SVEP1: variants seen among roughly 807,000 people sequenced by gnomAD.
SVEP1 encodes sushi, von Willebrand factor type A, EGF and pentraxin domain-containing protein 1.
A neutral mutation model predicts 367.3 loss-of-function variants in SVEP1; 164 were observed. That is an observed-to-expected ratio of 0.45 (90% CI 0.39 to 0.51). The LOEUF (loss-of-function observed/expected upper bound fraction) is 0.51. Ranked by LOEUF, SVEP1 falls within the 20% of genes least tolerant of loss-of-function variation. The pLI, the probability that SVEP1 is intolerant of heterozygous loss-of-function variation, is 0.00. For synonymous variants in SVEP1, 1,666 were observed against 1,611.6 expected (o/e 1.03, Z -0.81); for missense variants, 4,117 against 4,425.3 (o/e 0.93, Z 1.98).
At chr9:110,506,920 T>G (rs1829635287) in intron 5 of SVEP1, among the ~76,000 whole-genome samples, 1 of 149,972 alleles carries the variant, frequency 6.7e-6, no homozygotes, top group Non-Finnish European at 1.5e-5. Flanking sequence ...GGAGTAGGGG[T>G]AGGGGAAAGA....
chr9:110,456,097 AG>A (rs1486772482), intron 21 of SVEP1, among the ~76,000 whole-genome samples: 12 of 152,210 alleles, frequency 7.9e-5, no homozygotes, highest in African/African-American at 2.9e-4. Flanking sequence ...CTCACATGCC[AG>A]GTGTCCCAGA....
At chr9:110,405,503 G>A (rs1185195859) in intron 38 of SVEP1, among the ~76,000 whole-genome samples, 1 of 151,158 alleles carries the variant, frequency 6.6e-6, no homozygotes, top group African/African-American at 2.4e-5. Context: ...TACCTACGTG[G>A]ACTCAGATAC....
chr9:110,388,591 T>G (rs906929361), intron 41 of SVEP1, among the ~76,000 whole-genome samples: 3 of 152,098 alleles, frequency 2.0e-5, no homozygotes, highest in African/African-American at 7.2e-5. Context: ...CTAATGGACT[T>G]CTTTCAGCCC....
intron 40 of SVEP1, among the ~76,000 whole-genome samples, chr9:110,395,156 A>C (rs1037969022): frequency 6.6e-6 from 1 of 152,260 alleles, no homozygotes; most frequent in African/African-American, 2.4e-5. Flanking sequence ...CTGATCTCTC[A>C]GCAGAAACTC....
intron 23 of SVEP1, among the ~76,000 whole-genome samples, 189 bp from the exon 24 acceptor site, chr9:110,450,449 C>G (rs1379271179): frequency 7.0e-6 from 1 of 142,596 alleles, no homozygotes; most frequent in Non-Finnish European, 1.5e-5. Context: ...TTTGTGGACT[C>G]TGAGTTTTTG....
At chr9:110,480,911 C>T (rs10117164) in intron 12 of SVEP1, among the ~76,000 whole-genome samples, 37,639 of 151,854 alleles carry the variant, frequency 0.25, 5,562 homozygotes, top group African/African-American at 0.41. Flanking sequence ...TATACGTCAC[C>T]ATGCCTGGCC....
chr9:110,567,974 T>C (rs1830511120), intron 1 of SVEP1, among the ~76,000 whole-genome samples: 1 of 152,216 alleles, frequency 6.6e-6, no homozygotes, highest in African/African-American at 2.4e-5. Context: ...TCTAAATACC[T>C]GAGACCTATC....
In SVEP1 at chr9:110,458,455, T is replaced by C. The variant is rs747895082; in HGVS notation, c.3576+16A>G. On this transcript the variant is annotated intron_variant, in intron 20 of 47. Transcript: ENST00000374469. ...AAGCATTCCACTAGAGAACAGTTTA[T>C]GCAAAATGAACTTGCCTGACTGCTG... is the stretch of plus-strand genomic sequence containing the variant. 2.9e-5 allele frequency: 47 copies of C among 1,606,114 alleles called. No homozygotes were observed. The highest frequency in any genetic ancestry group is 3.8e-5 in the Non-Finnish European group (45 of 1,175,716).
chr9:110,565,775 T>C (rs1425829353), intron 1 of SVEP1, among the ~76,000 whole-genome samples: 1 of 152,018 alleles, frequency 6.6e-6, no homozygotes, highest in African/African-American at 2.4e-5. Context: ...GTCCCTTTCA[T>C]GGCTGCCGTT....
At chr9:110,523,988 G>C (rs1829910301) in intron 3 of SVEP1, among the ~76,000 whole-genome samples, 1 of 152,060 alleles carries the variant, frequency 6.6e-6, no homozygotes, top group South Asian at 2.1e-4. Context: ...CAGGTAAGCA[G>C]ACTCCATGGA....
intron 43 of SVEP1, among the ~76,000 whole-genome samples, chr9:110,382,678 T>C (rs1185165248): frequency 1.3e-5 from 2 of 152,230 alleles, no homozygotes; most frequent in Non-Finnish European, 2.9e-5. Context: ...GGTGGTTCTA[T>C]ACTCATCTCT....
chr9:110,542,223 A>T (rs2151691), intron 3 of SVEP1, among the ~76,000 whole-genome samples: 21,314 of 152,052 alleles, frequency 0.14, 1,787 homozygotes, highest in Admixed American at 0.24. Flanking sequence ...TGGAAATAAT[A>T]TAGGACTTAG....
chr9:110,432,420 G>A, intron 31 of SVEP1, 42 bp downstream of exon 31: 1 of 1,571,426 alleles, frequency 6.4e-7, no homozygotes. Context: ...CATCTACAGA[G>A]CTAGAATAAT....
intron 39 of SVEP1, among the ~76,000 whole-genome samples, chr9:110,401,778 C>T (rs183277848): frequency 6.6e-6 from 1 of 151,692 alleles, no homozygotes; most frequent in African/African-American, 2.4e-5. Flanking sequence ...AACAAATATA[C>T]TAGGAAAATG....
intron 36 of SVEP1, among the ~76,000 whole-genome samples, chr9:110,415,342 G>C (rs939995833): frequency 2.6e-5 from 4 of 152,080 alleles, no homozygotes; most frequent in Non-Finnish European, 4.4e-5. Context: ...ATGCAAAAAT[G>C]TGTGTATGTA....
intron 3 of SVEP1, among the ~76,000 whole-genome samples, chr9:110,535,954 A>C (rs1178272072): frequency 6.6e-6 from 1 of 151,838 alleles, no homozygotes; most frequent in Non-Finnish European, 1.5e-5. Context: ...AATGTCCTTT[A>C]TTTCTTTCTG....
At chr9:110,557,658 A>G (rs1779240067) in intron 1 of SVEP1, among the ~76,000 whole-genome samples, 1 of 152,202 alleles carries the variant, frequency 6.6e-6, no homozygotes, top group African/African-American at 2.4e-5. Context: ...ATGAAGACAT[A>G]TATTCAGTCA....
chr9:110,486,429 A>G (rs538432205), intron 9 of SVEP1, among the ~76,000 whole-genome samples: 172 of 152,332 alleles, frequency 1.1e-3, no homozygotes, highest in African/African-American at 3.8e-3. Flanking sequence ...ACTCTGTGGC[A>G]GCCAAGGAGA....
chr9:110,440,700 TAGAG>T (rs1008469702), intron 27 of SVEP1, among the ~76,000 whole-genome samples: 1 of 152,096 alleles, frequency 6.6e-6, no homozygotes, highest in African/African-American at 2.4e-5. Flanking sequence ...AAGGAAGATA[TAGAG>T]AGTTTCTAGG....
Sources: gnomAD v4.1 joint callset for allele counts (sites outside exome capture counted in the v4.1 genomes callset) on GRCh38, gnomAD v4.1.1 for gene constraint, MANE v1.5 for transcripts, NCBI Gene and HGNC (gene_info 2026-07-23, HGNC 2026-07-21) for gene names.